The following DNAJC3 variants were observed in gnomAD, a reference collection of about 807,000 sequenced individuals.
DNAJC3 encodes the protein dnaJ homolog subfamily C member 3.
A neutral mutation model predicts 68.6 loss-of-function variants in DNAJC3; 38 were observed. That is an observed-to-expected ratio of 0.55 (90% CI 0.43 to 0.73). DNAJC3 has a LOEUF of 0.73. Among genes scored for constraint, DNAJC3 ranks in the 30% least tolerant of loss-of-function variants. The pLI is 0.00. For synonymous variants in DNAJC3, 203 were observed against 204.0 expected, an observed-to-expected ratio of 1.00 and a Z score of 0.04; for missense variants, 526 against 591.9, an observed-to-expected ratio of 0.89 and a Z score of 1.16.
chr13:95,689,149 G>C (rs1212182293), intron 1 of DNAJC3, among the ~76,000 whole-genome samples: 5 of 150,910 alleles, frequency 3.3e-5, no homozygotes, highest in Admixed American at 1.3e-4. Flanking sequence ...TTTTTTTCGG[G>C]GGGGAATACT....
chr13:95,693,772 A>T (rs1880350700), intron 1 of DNAJC3: 1 of 152,162 alleles, frequency 6.6e-6, no homozygotes, highest in Non-Finnish European at 1.5e-5. Flanking sequence ...TTACTCAACC[A>T]CAATCCATTG....
At chr13:95,719,147 A>G (rs757551316) in intron 2 of DNAJC3, among the ~76,000 whole-genome samples, 82 of 152,364 alleles carry the variant, frequency 5.4e-4, no homozygotes, top group Non-Finnish European at 1.0e-3. Context: ...TGATATTACA[A>G]AGGATACAGA....
intron 1 of DNAJC3, among the ~76,000 whole-genome samples, chr13:95,701,683 G>T (rs909715491): frequency 1.3e-5 from 2 of 152,184 alleles, no homozygotes; most frequent in African/African-American, 4.8e-5. Flanking sequence ...GTTACAGGGA[G>T]TCCCAGTTTA....
Position 95,753,496 on chromosome 13 carries a change from A to G in DNAJC3, c.394-4148A>G, listed in dbSNP as rs567906429. ...TATGTTATCAAATAATATCAAATGAAAATTTAAATTTTTGCTACTTATCCC... is the reference window on the plus strand; with the variant it reads ...TATGTTATCAAATAATATCAAATGAGAATTTAAATTTTTGCTACTTATCCC... On this transcript the variant is annotated intron_variant, in intron 4 of 11. Coordinates refer to ENST00000602402, the MANE Select transcript of DNAJC3 (RefSeq NM_006260.5). 2.6e-5 allele frequency among the ~76,000 whole-genome samples: 4 copies of G among 152,328 alleles called. No homozygotes were observed. The East Asian group carries it at 7.7e-4, about 29-fold the overall frequency.
rs377452666 is a variant in DNAJC3 at position 95,791,039 on chromosome 13, T to G, written c.*9T>G. 3 of 1,612,834 alleles carry G rather than the reference T, an allele frequency of 1.9e-6. No homozygotes were observed. The highest frequency in any genetic ancestry group is 2.5e-6 in the Non-Finnish European group (3 of 1,179,640). On this transcript the variant is annotated 3_prime_UTR_variant, in exon 12 of 12. Transcript: ENST00000602402. ...AATTCCACTTCAATTAAACCAACTG[T>G]TTTTCTGCTCTTCTTAATTTTTTTA...
At chr13:95,695,100 A>C (rs1224801525) in intron 1 of DNAJC3, 2 of 152,156 alleles carry the variant, frequency 1.3e-5, no homozygotes, top group African/African-American at 4.8e-5. Context: ...CTATTGCATG[A>C]CTTTTCACCT....
At chr13:95,726,715 C>G (rs1221246016) in intron 4 of DNAJC3, among the ~76,000 whole-genome samples, 1 of 152,074 alleles carries the variant, frequency 6.6e-6, no homozygotes, top group East Asian at 1.9e-4. Flanking sequence ...GTTTTAAAGA[C>G]CAGCATTTTT....
At chr13:95,723,465 G>A in intron 3 of DNAJC3, 99 bp downstream of exon 3, 1 of 1,348,774 alleles carries the variant, frequency 7.4e-7, no homozygotes, top group South Asian at 1.5e-5. Context: ...GACATAGCTG[G>A]AAGAGATCAA....
chr13:95,754,731 A>G (rs528681789), intron 4 of DNAJC3, among the ~76,000 whole-genome samples: 15 of 152,114 alleles, frequency 9.9e-5, no homozygotes, highest in Non-Finnish European at 2.2e-4. Context: ...GGTCCACCTC[A>G]TGCTCCAGAA....
chr13:95,716,560 A>G (rs1881153919), intron 2 of DNAJC3, among the ~76,000 whole-genome samples: 1 of 152,130 alleles, frequency 6.6e-6, no homozygotes, highest in Non-Finnish European at 1.5e-5. Context: ...TGGAAGGTTG[A>G]GTGCAAGGTT....
chr13:95,764,679 T>TAC (rs1200559858), intron 9 of DNAJC3, among the ~76,000 whole-genome samples: 48 of 120,574 alleles, frequency 4.0e-4, no homozygotes, highest in African/African-American at 1.5e-3. Context: ...TATATATATA[T>TAC]ATATACACAC....
At chr13:95,733,501 C>T (rs574415274) in intron 4 of DNAJC3, among the ~76,000 whole-genome samples, 2 of 152,138 alleles carry the variant, frequency 1.3e-5, no homozygotes, top group East Asian at 1.9e-4. Flanking sequence ...AAGCAATTCT[C>T]CTGCTTCAGC....
intron 2 of DNAJC3, among the ~76,000 whole-genome samples, chr13:95,713,602 C>T (rs892220856): frequency 1.3e-5 from 2 of 152,172 alleles, no homozygotes; most frequent in East Asian, 3.9e-4. Flanking sequence ...CAAATTCTAG[C>T]ACTTTATTTC....
At chr13:95,783,721 G>A (rs1294695541) in intron 9 of DNAJC3, among the ~76,000 whole-genome samples, 1 of 152,230 alleles carries the variant, frequency 6.6e-6, no homozygotes, top group Non-Finnish European at 1.5e-5. Flanking sequence ...TGTGTAGCCT[G>A]TCAAAATCTG....
intron 1 of DNAJC3, among the ~76,000 whole-genome samples, chr13:95,702,508 T>G (rs1160440002): frequency 2.6e-5 from 4 of 152,216 alleles, no homozygotes; most frequent in Non-Finnish European, 5.9e-5. Flanking sequence ...GTGACAGTAT[T>G]AAGAGGCAGG....
chr13:95,707,855 G>C (rs753024789), intron 1 of DNAJC3, among the ~76,000 whole-genome samples: 9 of 152,158 alleles, frequency 5.9e-5, no homozygotes, highest in African/African-American at 1.9e-4. Flanking sequence ...CTGTAGCCCA[G>C]GTTTGCTGGT....
chr13:95,688,714 G>A (rs1405461948), intron 1 of DNAJC3, among the ~76,000 whole-genome samples: 7 of 152,028 alleles, frequency 4.6e-5, no homozygotes, highest in East Asian at 1.9e-4. Context: ...CATGTTGGCC[G>A]GGCTGGTCTT....
rs60644597 is a variant in DNAJC3 at position 95,698,101 on chromosome 13, CTT to C, written c.83-11117_83-11116del. Among the ~76,000 whole-genome samples the C allele has an allele frequency of 2.8e-3, 421 of 149,810 alleles. 4 individuals carry two copies. The highest frequency in any genetic ancestry group is 9.9e-3 in the African/African-American group (404 of 41,006). On this transcript the variant is annotated intron_variant, in intron 1 of 11. Transcript: ENST00000602402. ...GTTTGAATTTACTTCATTTAAATGG[CTT>C]TTTTTTTTCTCTCCCCCAACCTGCC... is the stretch of plus-strand genomic sequence containing the variant.
At chr13:95,709,931 G>T (rs888225602) in intron 2 of DNAJC3, among the ~76,000 whole-genome samples, 9 of 152,106 alleles carry the variant, frequency 5.9e-5, no homozygotes, top group East Asian at 1.9e-4. Flanking sequence ...GAGCCACTGC[G>T]CCCGGCCAGC....
Sources: allele counts gnomAD v4.1 joint callset (sites outside exome capture counted in the v4.1 genomes callset), GRCh38; gene constraint gnomAD v4.1.1; transcripts MANE v1.5; gene names NCBI Gene and HGNC (gene_info 2026-07-23, HGNC 2026-07-21).